Variants in THYN1 observed in about 807,000 individuals in gnomAD.
THYN1 encodes thymocyte nuclear protein 1, also known as thymocyte protein thy28.
A neutral mutation model predicts 30.6 loss-of-function variants in THYN1; 32 were observed. The ratio of observed to expected loss-of-function variants is 1.05; its 90% CI spans 0.79 to 1.40. THYN1 has a LOEUF of 1.40. Among genes scored for constraint, THYN1 ranks in the 40% most tolerant of loss-of-function variants. THYN1 has a pLI of 0.00. For missense variants in THYN1, 259 were observed against 272.6 expected (o/e 0.95, Z 0.35); for synonymous variants, 107 against 90.8 (o/e 1.18, Z -1.01).
chr11:134,252,310 C>T (rs948202020), intron 1 of THYN1, among the ~76,000 whole-genome samples: 2 of 152,142 alleles, frequency 1.3e-5, no homozygotes, highest in Non-Finnish European at 2.9e-5. Context: ...ATCTGGAACC[C>T]CTGTCATTCC....
Position 134,252,846 on chromosome 11 carries a change from C to T in THYN1, c.37G>A (p.Gly13Ser). Residue 13 changes from glycine (G) to serine (S), a missense_variant, in exon 1 of 7, where the codon GGT becomes AGT. By Grantham distance (56) the Gly-to-Ser change is moderately conservative (BLOSUM62 0). Coordinates refer to ENST00000341541, the MANE Select transcript of THYN1 (RefSeq NM_014174.3). Reference sequence around the variant, plus strand: ...CAGCCTAGGGGCAGCTCACCTGAACCAGAAGTCCCAGCCAGCCTCTTCCGG... The same window carrying T: ...CAGCCTAGGGGCAGCTCACCTGAACTAGAAGTCCCAGCCAGCCTCTTCCGG... ...RPRKRLAGTSGSDKGLSGKRT... is the reference protein window; with the variant it reads ...RPRKRLAGTSSSDKGLSGKRT... 6.2e-7 allele frequency: 1 copy of T among 1,611,878 alleles called. No homozygotes were observed. The highest frequency in any genetic ancestry group is 8.5e-7 in the Non-Finnish European group (1 of 1,179,344).
chr11:134,252,252 C>G (rs962444346), intron 1 of THYN1, among the ~76,000 whole-genome samples: 2 of 152,154 alleles, frequency 1.3e-5, no homozygotes, highest in African/African-American at 4.8e-5. Context: ...TTAACAGGCC[C>G]ACTGCAAACA....
chr11:134,251,452 G>T (rs935573257), intron 1 of THYN1, 144 bp from the exon 2 acceptor site: 10 of 911,278 alleles, frequency 1.1e-5, no homozygotes, highest in Non-Finnish European at 1.7e-5. Flanking sequence ...CTGTTAAGAA[G>T]CTTTCCTTAT....
intron 1 of THYN1, 27 bp from the exon 2 acceptor site, chr11:134,251,335 G>A (rs768154247): frequency 2.5e-6 from 4 of 1,586,476 alleles, no homozygotes; most frequent in Non-Finnish European, 3.4e-6. Context: ...AAAAAGAAAA[G>A]ATCATGCTTG....
At position 134,253,210 on chromosome 11, in the gene THYN1, A is replaced by C. The variant is rs1939211139; in HGVS notation, c.-328T>G. 2 of 1,322,752 alleles carry C rather than the reference A, an allele frequency of 1.5e-6. No individual in the cohort carries two copies. Among genetic ancestry groups the C allele is most frequent in the African/African-American group, 3.0e-5 (2 of 65,806 alleles). 81.9% of individuals were successfully genotyped at this position (1,322,752 alleles called of 1,614,324 possible). ...GAGACACTTTTGTTGGGTGAATATA[A>C]GTAAGCCTTGTGTTACCTTGTTATC... On this transcript the variant is annotated 5_prime_UTR_variant, in exon 1 of 7. Transcript: ENST00000341541.
chr11:134,252,705 G>C (rs539836322), intron 1 of THYN1, 135 bp downstream of exon 1: 10 of 973,364 alleles, frequency 1.0e-5, no homozygotes, highest in Non-Finnish European at 1.6e-5. Context: ...AGAAGATGGA[G>C]AGTGATTAAG....
intron 2 of THYN1, 152 bp from the exon 3 acceptor site, chr11:134,250,495 CT>C: frequency 1.3e-6 from 1 of 775,318 alleles, no homozygotes; most frequent in Admixed American, 2.5e-5. Flanking sequence ...CACAGAGACA[CT>C]TTTGCTGGGT....
chr11:134,251,480 G>C lies in THYN1; in HGVS notation c.44-172C>G, dbSNP rs1052583243. On this transcript the variant is annotated intron_variant, in intron 1 of 6. Coordinates refer to ENST00000341541, the MANE Select transcript of THYN1 (RefSeq NM_014174.3). ...TTCCTTATCTATAAAAATTAGACAA[G>C]AATACCTACCTTACAGGGTATCTTC... is the stretch of plus-strand genomic sequence containing the variant. The C allele has an allele frequency of 1.3e-5, 9 of 704,948 alleles. No individual in the cohort carries two copies. In the Admixed American group the frequency reaches 2.6e-4, roughly 21 times the overall value. The allele number at this position is 704,948 out of a possible 1,614,324, so 43.7% of individuals were successfully genotyped here.
intron 1 of THYN1, 68 bp downstream of exon 1, chr11:134,252,771 AG>A: frequency 6.4e-7 from 1 of 1,557,654 alleles, no homozygotes; most frequent in Non-Finnish European, 8.8e-7. Context: ...GTGAAAAATG[AG>A]TACTAAACAG....
chr11:134,251,203 A>G lies in THYN1; in HGVS notation c.149T>C (p.Leu50Ser). ...PQKTSATKNC[L>S]KNLSSHWLMK... ...CAGCCAGTGGCTGCTTAGATTCTTC[A>G]AACAGTTTTTAGTGGCTGAAGTCTT... The change falls in exon 2 of 7, where the codon TTG becomes TCG. Residue 50 changes from leucine (L) to serine (S), a missense_variant. Leu to Ser is a moderately radical substitution (Grantham distance 145, BLOSUM62 -2). Transcript: ENST00000341541. The G allele has an allele frequency of 6.2e-7, 1 of 1,613,870 alleles. No homozygotes were observed. Among genetic ancestry groups the G allele is most frequent in the Non-Finnish European group, 8.5e-7 (1 of 1,179,988 alleles).
rs1336697538 is a variant in THYN1 at position 134,248,466 on chromosome 11, A to C, written c.650T>G (p.Leu217Trp). The C allele has an allele frequency of 6.2e-7, 1 of 1,613,766 alleles. No individual in the cohort carries two copies. Among genetic ancestry groups the C allele is most frequent in the Admixed American group, 1.7e-5 (1 of 59,988 alleles). The change falls in exon 7 of 7, where the codon TTG (leucine) becomes TGG (tryptophan). Residue 217 changes from leucine to tryptophan, a missense_variant. Coordinates refer to ENST00000341541, the MANE Select transcript of THYN1 (RefSeq NM_014174.3). ...PLTQEEFDFV[L>W]SLEEKEPS Reference sequence around the variant, plus strand: ...ACTTGGTTCCTTTTCCTCCAGGCTCAAAACAAAATCAAACTCTTCTACAAA... The same window carrying C: ...ACTTGGTTCCTTTTCCTCCAGGCTCCAAACAAAATCAAACTCTTCTACAAA...
Position 134,248,462 on chromosome 11 carries a change from G to A in THYN1, c.654C>T (p.Ser218=). Residue 218 remains serine, a synonymous_variant, in exon 7 of 7, where the codon AGC becomes AGT. Transcript: ENST00000341541. ...LTQEEFDFVL[S]LEEKEPS Reference sequence around the variant, plus strand: ...GTTAACTTGGTTCCTTTTCCTCCAGGCTCAAAACAAAATCAAACTCTTCTA... The same window carrying A: ...GTTAACTTGGTTCCTTTTCCTCCAGACTCAAAACAAAATCAAACTCTTCTA... The A allele has an allele frequency of 1.9e-6, 3 of 1,613,512 alleles. No individual in the cohort carries two copies. The highest frequency in any genetic ancestry group is 2.5e-6 in the Non-Finnish European group (3 of 1,179,920).
chr11:134,253,142 A>C lies in THYN1; in HGVS notation c.-260T>G, dbSNP rs1457477704. 1.5e-6 allele frequency: 2 copies of C among 1,350,134 alleles called. No homozygotes were observed. Among genetic ancestry groups the C allele is most frequent in the Non-Finnish European group, 1.9e-6 (2 of 1,056,072 alleles). The allele number at this position is 1,350,134 out of a possible 1,614,324, so 83.6% of individuals were successfully genotyped here. ...CTGTCCTTGGTCCTTCTCATCCAGGAACCCCTATCTCAGTATGTAGTTCAC... is the reference window on the plus strand; with the variant it reads ...CTGTCCTTGGTCCTTCTCATCCAGGCACCCCTATCTCAGTATGTAGTTCAC... On this transcript the variant is annotated 5_prime_UTR_variant, in exon 1 of 7. Transcript: ENST00000341541.
At chr11:134,249,504 A>G (rs1199781020) in intron 4 of THYN1, among the ~76,000 whole-genome samples, 1 of 152,218 alleles carries the variant, frequency 6.6e-6, no homozygotes, top group African/African-American at 2.4e-5. Flanking sequence ...AAAGGTTATT[A>G]CTGGTACCAC....
At position 134,249,081 on chromosome 11, in the gene THYN1, G is replaced by A. The variant is rs889151266; in HGVS notation, c.480+86C>T. ...ACCTCATCTGAGTAAGTGCTGGGCCGTGTACCTTGACCTACAGTCACCCCA... is the reference window on the plus strand; with the variant it reads ...ACCTCATCTGAGTAAGTGCTGGGCCATGTACCTTGACCTACAGTCACCCCA... On this transcript the variant is annotated intron_variant, in intron 5 of 6. Coordinates refer to ENST00000341541, the MANE Select transcript of THYN1 (RefSeq NM_014174.3). 42 of 1,543,536 alleles carry A rather than the reference G, an allele frequency of 2.7e-5. No individual in the cohort carries two copies. In the East Asian group the frequency reaches 4.3e-4, roughly 16 times the overall value.
In THYN1 at chr11:134,249,414, A is replaced by G. The variant is rs148110822; in HGVS notation, c.385-152T>C. 1.6e-4 allele frequency: 116 copies of G among 704,358 alleles called. No individual in the cohort carries two copies. In the African/African-American group the frequency reaches 1.8e-3, roughly 11 times the overall value. The allele number at this position is 704,358 out of a possible 1,614,324, so 43.6% of individuals were successfully genotyped here. A position where few individuals can be genotyped will look rare whatever the true frequency, so the allele number is the denominator to read the frequency against. On this transcript the variant is annotated intron_variant, in intron 4 of 6. Coordinates refer to ENST00000341541, the MANE Select transcript of THYN1 (RefSeq NM_014174.3). ...ATGGGGGCTCAGATATTTGGAAACA[A>G]TATATAGTCTAATATATAGACTAGG...
intron 1 of THYN1, chr11:134,251,990 C>T (rs1008602351): frequency 6.6e-6 from 1 of 152,332 alleles, no homozygotes; most frequent in Non-Finnish European, 1.5e-5. Flanking sequence ...CTCGGTTAAT[C>T]TACATAACCT....
chr11:134,248,994 G>A (rs1938917943), intron 5 of THYN1, 35 bp from the exon 6 acceptor site: 2 of 1,612,130 alleles, frequency 1.2e-6, no homozygotes, highest in African/African-American at 1.3e-5. Context: ...AGAAAGACGT[G>A]TCTAGGCTGA....
At position 134,252,902 on chromosome 11, in the gene THYN1, T is replaced by C. The variant is rs1939182876; in HGVS notation, c.-20A>G. The C allele has an allele frequency of 6.3e-7, 1 of 1,575,644 alleles. No homozygotes were observed. The highest frequency in any genetic ancestry group is 2.0e-5 in the Admixed American group (1 of 49,150). On this transcript the variant is annotated 5_prime_UTR_variant, in exon 1 of 7. Transcript: ENST00000341541. ...CGACATGGTCACGCTGCAGGGGACT[T>C]TAGTGCGGACGATTCTGGAATCAAC...
Sources: gnomAD v4.1 joint callset for allele counts (sites outside exome capture counted in the v4.1 genomes callset) on GRCh38, gnomAD v4.1.1 for gene constraint, MANE v1.5 for transcripts, NCBI Gene and HGNC (gene_info 2026-07-23, HGNC 2026-07-21) for gene names.